The following DLEC1 variants were observed in gnomAD, a reference collection of about 807,000 sequenced individuals.
DLEC1 encodes DLEC1 cilia and flagella associated protein.
A neutral mutation model predicts 198.1 loss-of-function variants in DLEC1; 146 were observed. The observed-to-expected ratio is 0.74, with a 90% confidence interval of 0.64 to 0.85. The LOEUF (loss-of-function observed/expected upper bound fraction) is 0.85, where lower values mean the gene tolerates loss of function less well. Among genes scored for constraint, DLEC1 ranks in the 40% least tolerant of loss-of-function variants. The probability of loss-of-function intolerance (pLI) is 0.00; values close to 1 mark genes in which losing one functional copy is unlikely to be tolerated. For synonymous variants in DLEC1, 897 were observed against 866.8 expected, an observed-to-expected ratio of 1.03 and a Z score of -0.61; for missense variants, 2,233 against 2,220.0, an observed-to-expected ratio of 1.01 and a Z score of -0.12.
chr3:38,121,681 C>G lies in DLEC1; in HGVS notation c.4920C>G (p.Ser1640Arg). Residue 1640 changes from serine (S) to arginine (R), a missense_variant, in exon 35 of 37, where the codon AGC (serine) becomes AGG (arginine). Transcript: ENST00000308059. Reference sequence around the variant, plus strand: ...TGCCTGAGCTGCAGCTCTCCACCAGCTGGGTGGACTTTGGGACCTGCTTTG... The same window carrying G: ...TGCCTGAGCTGCAGCTCTCCACCAGGTGGGTGGACTTTGGGACCTGCTTTG... Reference protein sequence around the residue: ...VAVPELQLSTSWVDFGTCFVS... With the variant: ...VAVPELQLSTRWVDFGTCFVS... 6.2e-7 allele frequency: 1 copy of G among 1,614,080 alleles called. No homozygotes were observed. The highest frequency in any genetic ancestry group is 8.5e-7 in the Non-Finnish European group (1 of 1,179,968).
rs760388697 is a variant in DLEC1 at position 38,122,109 on chromosome 3, G to T, written c.5059G>T (p.Val1687Phe). The T allele has an allele frequency of 3.1e-6, 5 of 1,614,040 alleles. No individual in the cohort carries two copies. Among genetic ancestry groups the T allele is most frequent in the Non-Finnish European group, 2.5e-6 (3 of 1,179,912 alleles). ...AGCCAAGGCCGCTGTGGCCTTCAGG[G>T]TCTCCCCAAACAGTGGGCTGCTAGA... ...EPAKAAVAFR[V>F]SPNSGLLEAR... Residue 1687 changes from valine (V) to phenylalanine (F), a missense_variant, in exon 36 of 37, where the codon GTC (valine) becomes TTC (phenylalanine). Coordinates refer to ENST00000308059, the MANE Select transcript of DLEC1 (RefSeq NM_007335.4).
chr3:38,111,788 G>A, intron 24 of DLEC1, 41 bp downstream of exon 24: 1 of 1,594,278 alleles, frequency 6.3e-7, no homozygotes, highest in South Asian at 1.1e-5. Flanking sequence ...CCAGGCCACG[G>A]CCAGAGCCAC....
chr3:38,064,742 G>A (rs995697494), intron 6 of DLEC1, among the ~76,000 whole-genome samples: 9 of 151,650 alleles, frequency 5.9e-5, no homozygotes, highest in Non-Finnish European at 1.0e-4. Flanking sequence ...TCTCAGACGG[G>A]GCGGCGGGGC....
chr3:38,057,182 A>T, intron 2 of DLEC1, among the ~76,000 whole-genome samples: 1 of 152,352 alleles, frequency 6.6e-6, no homozygotes, highest in Middle Eastern at 3.4e-3. Context: ...AGCAGTAAGA[A>T]TCAATTATTT....
intron 2 of DLEC1, among the ~76,000 whole-genome samples, chr3:38,059,020 A>C (rs951276817): frequency 2.0e-5 from 3 of 152,200 alleles, no homozygotes; most frequent in Non-Finnish European, 4.4e-5. Flanking sequence ...TATAAATAAT[A>C]ATGTGTTTGC....
intron 6 of DLEC1, among the ~76,000 whole-genome samples, chr3:38,080,153 C>G (rs1010461737): frequency 2.0e-5 from 3 of 152,130 alleles, no homozygotes; most frequent in Admixed American, 6.5e-5. Flanking sequence ...CTTGACTATG[C>G]CTTTAGCTCC....
intron 6 of DLEC1, among the ~76,000 whole-genome samples, chr3:38,068,478 G>C (rs967905955): frequency 6.6e-6 from 1 of 152,152 alleles, no homozygotes; most frequent in South Asian, 2.1e-4. Context: ...CAACCCACCC[G>C]CCTCGGCTTC....
At position 38,067,896 on chromosome 3, in the gene DLEC1, G is replaced by C. The variant is rs149763832; in HGVS notation, c.1173+3977G>C. 4.3e-3 allele frequency among the ~76,000 whole-genome samples: 660 copies of C among 152,058 alleles called. 4 individuals are homozygous for C. Among genetic ancestry groups the C allele is most frequent in the Non-Finnish European group, 5.4e-3 (368 of 67,996 alleles). ...GCCTCCTGTGTAACTGGGATTACAGGTACGCACCACCACGCCTGGCTAATT... is the reference window on the plus strand; with the variant it reads ...GCCTCCTGTGTAACTGGGATTACAGCTACGCACCACCACGCCTGGCTAATT... On this transcript the variant is annotated intron_variant, in intron 6 of 36. Coordinates refer to ENST00000308059, the MANE Select transcript of DLEC1 (RefSeq NM_007335.4).
intron 33 of DLEC1, among the ~76,000 whole-genome samples, chr3:38,119,099 C>T (rs373432538): frequency 1.1e-4 from 16 of 152,316 alleles, no homozygotes; most frequent in African/African-American, 3.8e-4. Context: ...CGGCGGTTAG[C>T]CACCAGGCAT....
rs1700579506 is a variant in DLEC1, at chr3:38,123,231, C to A, written c.*819C>A. ...ACAAGTAGGATGCAAAACCATCAGA[C>A]CAGATCTGTGGGCAAGCGGTACCCT... is the stretch of plus-strand genomic sequence containing the variant. On this transcript the variant is annotated 3_prime_UTR_variant, in exon 37 of 37. Coordinates refer to ENST00000308059, the MANE Select transcript of DLEC1 (RefSeq NM_007335.4). The A allele has an allele frequency of 9.1e-7, 1 of 1,094,008 alleles. No homozygotes were observed. The highest frequency in any genetic ancestry group is 1.4e-6 in the Non-Finnish European group (1 of 722,790). 67.8% of individuals were successfully genotyped at this position (1,094,008 alleles called of 1,614,324 possible). A position where few individuals can be genotyped will look rare whatever the true frequency, so the allele number is the denominator to read the frequency against.
chr3:38,089,980 C>A (rs548183034), intron 10 of DLEC1, among the ~76,000 whole-genome samples: 116 of 152,232 alleles, frequency 7.6e-4, no homozygotes, highest in Non-Finnish European at 1.2e-3. Context: ...GAGTTAAAGA[C>A]CAGCCTGGGC....
At position 38,114,614 on chromosome 3, in the gene DLEC1, G is replaced by A. The variant is rs147375541; in HGVS notation, c.3785+154G>A. 6.7e-3 allele frequency among the ~76,000 whole-genome samples: 1,016 copies of A among 152,338 alleles called. 15 individuals carry two copies. Among genetic ancestry groups the A allele is most frequent in the African/African-American group, 0.022 (918 of 41,576 alleles). ...AGGTTCCAGGCCAGGGTTTCCCTGG[G>A]GGAAGGTGGCCTCAGGGGACGTGGC... On this transcript the variant is annotated intron_variant, in intron 26 of 36. Transcript: ENST00000308059.
At chr3:38,065,987 A>G (rs1165078210) in intron 6 of DLEC1, among the ~76,000 whole-genome samples, 1 of 152,214 alleles carries the variant, frequency 6.6e-6, no homozygotes, top group Non-Finnish European at 1.5e-5. Context: ...TTTATCTTCC[A>G]TATTTTCCAC....
intron 13 of DLEC1, chr3:38,095,664 C>T: frequency 3.6e-6 from 2 of 552,424 alleles, no homozygotes; most frequent in Non-Finnish European, 6.5e-6. Flanking sequence ...TTCTTGCACC[C>T]AGGCCCAGCT....
At chr3:38,060,420 G>A (rs370921451) in intron 3 of DLEC1, among the ~76,000 whole-genome samples, 14 of 152,176 alleles carry the variant, frequency 9.2e-5, no homozygotes, top group Non-Finnish European at 1.6e-4. Context: ...GAGTCCACAC[G>A]TGGACAGGGA....
rs1700213776 is a variant in DLEC1 at position 38,117,061 on chromosome 3, T to C, written c.4266T>C (p.Cys1422=). The change falls in exon 30 of 37, where the codon TGT becomes TGC. Residue 1422 remains cysteine (C), a synonymous_variant. Coordinates refer to ENST00000308059, the MANE Select transcript of DLEC1 (RefSeq NM_007335.4). ...LSPEILHKVE[C]TGYALGFMSL... ...CTGAGATCCTGCACAAGGTGGAGTGTACTGGCTACGCCCTGGGTTTCATGA... is the reference window on the plus strand; with the variant it reads ...CTGAGATCCTGCACAAGGTGGAGTGCACTGGCTACGCCCTGGGTTTCATGA... 8.1e-6 allele frequency: 13 copies of C among 1,614,110 alleles called. No homozygotes were observed. The highest frequency in any genetic ancestry group is 1.0e-5 in the Non-Finnish European group (12 of 1,179,972).
rs374561944 is a variant in DLEC1 at position 38,084,110 on chromosome 3, C to T, written c.1174-48C>T. On this transcript the variant is annotated intron_variant, in intron 6 of 36. Coordinates refer to ENST00000308059, the MANE Select transcript of DLEC1 (RefSeq NM_007335.4). The stretch of plus-strand genomic sequence containing the variant: ...GTAAATCCTGGACATCGTATCATTT[C>T]GTCTATAAGTGTTGCTGTCTAAAAG... The T allele has an allele frequency of 2.1e-4, 318 of 1,541,364 alleles. 1 individual carries two copies. Among genetic ancestry groups the T allele is most frequent in the Middle Eastern group, 1.5e-3 (9 of 5,854 alleles).
At chr3:38,052,057 C>A (rs1701144489) in intron 2 of DLEC1, 1 of 249,178 alleles carries the variant, frequency 4.0e-6, no homozygotes, top group South Asian at 5.7e-5. Context: ...CATACCAGTG[C>A]AATGTGCTTG....
chr3:38,100,517 A>G, intron 19 of DLEC1, 92 bp downstream of exon 19: 1 of 1,379,030 alleles, frequency 7.3e-7, no homozygotes. Context: ...GATGTTCTGG[A>G]TTTAAAACTA....
Sources: allele counts gnomAD v4.1 joint callset (sites outside exome capture counted in the v4.1 genomes callset), GRCh38; gene constraint gnomAD v4.1.1; transcripts MANE v1.5; gene names NCBI Gene and HGNC (gene_info 2026-07-23, HGNC 2026-07-21).